The following DCC variants were observed in gnomAD, a reference collection of about 807,000 sequenced individuals.
DCC encodes netrin receptor DCC.
Under a neutral mutation model 172.5 loss-of-function variants are expected in DCC, and 58 were observed. That is an observed-to-expected ratio of 0.34 (90% CI 0.27 to 0.42). DCC has a LOEUF of 0.42. Among genes scored for constraint, DCC ranks in the 10% least tolerant of loss-of-function variants. The pLI is 1.00. For synonymous variants in DCC, 709 were observed against 644.5 expected (o/e 1.10, Z -1.52); for missense variants, 1,740 against 1,791.0 (o/e 0.97, Z 0.51).
intron 17 of DCC, among the ~76,000 whole-genome samples, chr18:53,394,560 A>G (rs1463588126): frequency 6.6e-6 from 1 of 152,140 alleles, no homozygotes; most frequent in Non-Finnish European, 1.5e-5. Flanking sequence ...TTCAAAATAT[A>G]TCCATCGAGT....
At chr18:52,928,371 C>G (rs2040251862) in intron 5 of DCC, among the ~76,000 whole-genome samples, 1 of 152,082 alleles carries the variant, frequency 6.6e-6, no homozygotes, top group Admixed American at 6.6e-5. Context: ...AATCTGTACA[C>G]CAAGCCCCAG....
At chr18:52,629,799 A>G (rs1338286167) in intron 1 of DCC, among the ~76,000 whole-genome samples, 1 of 151,930 alleles carries the variant, frequency 6.6e-6, no homozygotes, top group Non-Finnish European at 1.5e-5. Context: ...AAACACAAAA[A>G]ATTAGCTGGG....
intron 2 of DCC, among the ~76,000 whole-genome samples, chr18:52,838,234 G>GA (rs1598853813): frequency 6.6e-6 from 1 of 152,256 alleles, no homozygotes; most frequent in East Asian, 1.9e-4. Flanking sequence ...TGAGGCTTTA[G>GA]AGGGGGTATT....
chr18:52,557,843 A>G (rs1025756659), intron 1 of DCC, among the ~76,000 whole-genome samples: 2 of 152,106 alleles, frequency 1.3e-5, no homozygotes, highest in African/African-American at 4.8e-5. Context: ...TATTTTTGGT[A>G]GAGACTGGTT....
At chr18:53,103,875 A>G (rs1056740298) in intron 7 of DCC, among the ~76,000 whole-genome samples, 6 of 152,008 alleles carry the variant, frequency 3.9e-5, no homozygotes, top group African/African-American at 1.4e-4. Flanking sequence ...AACTGGACCA[A>G]TACATGGGGG....
At chr18:53,410,716 T>G in intron 20 of DCC, 70 bp downstream of exon 20, 1 of 965,502 alleles carries the variant, frequency 1.0e-6, no homozygotes, top group South Asian at 1.3e-5. Context: ...GCACTCTGTG[T>G]TAGAAATGGC....
At chr18:53,144,631 C>T (rs918235724) in intron 7 of DCC, among the ~76,000 whole-genome samples, 9 of 152,170 alleles carry the variant, frequency 5.9e-5, no homozygotes, top group African/African-American at 2.2e-4. Context: ...AGCTACAATT[C>T]AAGATGAGGT....
chr18:53,341,298 A>C (rs1384308358), intron 15 of DCC, among the ~76,000 whole-genome samples: 2 of 152,170 alleles, frequency 1.3e-5, no homozygotes, highest in Non-Finnish European at 1.5e-5. Flanking sequence ...TCAGGAGGGA[A>C]ACTGCATTGT....
At chr18:52,619,257 A>G (rs1191740779) in intron 1 of DCC, among the ~76,000 whole-genome samples, 4 of 152,210 alleles carry the variant, frequency 2.6e-5, no homozygotes, top group African/African-American at 9.7e-5. Flanking sequence ...TCTATTTTGT[A>G]TAAATATGTT....
rs566224982 is a variant in DCC, at chr18:53,450,641, G to A, written c.3371G>A (p.Arg1124His). 7.4e-6 allele frequency: 12 copies of A among 1,613,668 alleles called. No homozygotes were observed. The Admixed American group carries it at 1.2e-4, about 16-fold the overall frequency. The change falls in exon 23 of 29, where the codon CGC (arginine) becomes CAC (histidine). Residue 1124 changes from arginine to histidine, a missense_variant. Arg to His is a conservative substitution (Grantham distance 29). Around this residue, in one of 2 missense-constraint regions of DCC, gnomAD observed 1,732 missense variants for 1,767.4 expected, o/e 0.98. Coordinates refer to ENST00000442544, the MANE Select transcript of DCC (RefSeq NM_005215.4). The stretch of plus-strand genomic sequence containing the variant: ...ATCGTGGCTGTGATTTGCACCCGAC[G>A]CTCTTCAGCCCAGCAGAGAAAGTAG... ...VVIVAVICTR[R>H]SSAQQRKKRA... is the part of the protein sequence containing the mutation.
intron 7 of DCC, among the ~76,000 whole-genome samples, chr18:53,072,333 G>C (rs749061176): frequency 3.3e-5 from 5 of 152,194 alleles, no homozygotes; most frequent in African/African-American, 4.8e-5. Context: ...TAGCTGAGTG[G>C]AGAAGTTAGC....
intron 2 of DCC, among the ~76,000 whole-genome samples, chr18:52,809,969 A>AGGT (rs1274024686): frequency 6.6e-6 from 1 of 152,090 alleles, no homozygotes; most frequent in African/African-American, 2.4e-5. Flanking sequence ...CCGTGTTTAA[A>AGGT]GGTGGGTGTG....
In DCC at chr18:53,397,484, G is replaced by T. The variant is rs760731217; in HGVS notation, c.2827+38G>T. On this transcript the variant is annotated intron_variant, in intron 18 of 28. Transcript: ENST00000442544. Reference sequence around the variant, plus strand: ...ATGTCTACTTTGGACCCTTGATAATGGTGTTTCCCAGGTTCTGTGGAAATT... The same window carrying T: ...ATGTCTACTTTGGACCCTTGATAATTGTGTTTCCCAGGTTCTGTGGAAATT... 31 of 1,612,036 alleles carry T rather than the reference G, an allele frequency of 1.9e-5. No homozygotes were observed. In the Middle Eastern group the frequency reaches 8.2e-4, roughly 43 times the overall value.
At chr18:52,909,961 T>C (rs1294977120) in intron 3 of DCC, among the ~76,000 whole-genome samples, 2 of 151,992 alleles carry the variant, frequency 1.3e-5, no homozygotes, top group African/African-American at 4.8e-5. Context: ...GTGAAAAGCA[T>C]AAAGAAAATA....
rs554202315 is a variant in DCC, at chr18:52,870,993, T to A, written c.413-35051T>A. Reference sequence around the variant, plus strand: ...GCAGTTACAGTCACAGATCTGTTAATCTATGACATAGGATAGGCCTCCCGG... The same window carrying A: ...GCAGTTACAGTCACAGATCTGTTAAACTATGACATAGGATAGGCCTCCCGG... On this transcript the variant is annotated intron_variant, in intron 2 of 28. Transcript: ENST00000442544. Among the ~76,000 whole-genome samples the A allele has an allele frequency of 1.2e-4, 19 of 152,254 alleles. No homozygotes were observed. The South Asian group carries it at 3.7e-3, about 30-fold the overall frequency.
chr18:52,815,795 G>C (rs2038286184), intron 2 of DCC, among the ~76,000 whole-genome samples: 1 of 152,088 alleles, frequency 6.6e-6, no homozygotes, highest in Non-Finnish European at 1.5e-5. Flanking sequence ...CAATGATATA[G>C]GACATGTTAT....
intron 27 of DCC, among the ~76,000 whole-genome samples, chr18:53,520,815 C>A (rs1378630364): frequency 2.0e-5 from 3 of 151,922 alleles, no homozygotes; most frequent in African/African-American, 4.8e-5. Context: ...ACCACGGTTG[C>A]CTAATTAGTT....
intron 5 of DCC, among the ~76,000 whole-genome samples, chr18:52,974,851 TGTA>T (rs1306532276): frequency 1.3e-5 from 2 of 152,352 alleles, no homozygotes; most frequent in South Asian, 2.1e-4. Context: ...ATAATTGACT[TGTA>T]GTAATTTTAG....
chr18:52,579,222 A>G (rs2033488143), intron 1 of DCC, among the ~76,000 whole-genome samples: 1 of 152,130 alleles, frequency 6.6e-6, no homozygotes, highest in South Asian at 2.1e-4. Context: ...TGCTGCCATG[A>G]GTATTTCAGG....
Sources: allele counts gnomAD v4.1 joint callset (sites outside exome capture counted in the v4.1 genomes callset), GRCh38; gene constraint gnomAD v4.1.1; regional missense constraint gnomAD v4.1.1; transcripts MANE v1.5; gene names NCBI Gene and HGNC (gene_info 2026-07-23, HGNC 2026-07-21).